ZBTB8OS: variants seen among roughly 807,000 people sequenced by gnomAD.
ZBTB8OS encodes the protein tRNA-splicing ligase-activating factor archease.
Under a neutral mutation model 29.3 loss-of-function variants are expected in ZBTB8OS, and 16 were observed. The observed-to-expected ratio is 0.55, with a 90% CI of 0.37 to 0.83. ZBTB8OS has a LOEUF of 0.83. ZBTB8OS is among the 40% of genes least tolerant of loss of function. ZBTB8OS has a pLI of 0.00. For synonymous variants in ZBTB8OS, 70 were observed against 64.6 expected, an observed-to-expected ratio of 1.08 and a Z score of -0.40; for missense variants, 160 against 196.9, an observed-to-expected ratio of 0.81 and a Z score of 1.12.
At position 32,637,180 on chromosome 1, in the gene ZBTB8OS, C is replaced by T. The variant is rs1379969003; in HGVS notation, c.98-2388G>A. 2.0e-5 allele frequency among the ~76,000 whole-genome samples: 3 copies of T among 152,072 alleles called. 1 individual carries two copies. The highest frequency in any genetic ancestry group is 7.3e-5 in the African/African-American group (3 of 41,350). On this transcript the variant is annotated intron_variant, in intron 1 of 6. Coordinates refer to ENST00000468695, the MANE Select transcript of ZBTB8OS (RefSeq NM_178547.5). ...ATCAGAATGGAGCTCAGCTCTTTTC[C>T]CACAGTAGTTATTAAATAAAACCTG...
chr1:32,646,885 C>T lies in ZBTB8OS; in HGVS notation c.97+3548G>A, dbSNP rs1429705320. Among the ~76,000 whole-genome samples, 3 of 144,090 alleles carry T rather than the reference C, an allele frequency of 2.1e-5. No individual in the cohort carries two copies. The Admixed American group carries it at 2.1e-4, about 10-fold the overall frequency. The allele number at this position is 144,090 out of a possible 152,430, so 94.5% of individuals were successfully genotyped here. ...AACCCTGTCTCTACTAAAAAAAAAA[C>T]ACAAAAATTAGCCGGGTGTGGTGGT... On this transcript the variant is annotated intron_variant, in intron 1 of 6. Coordinates refer to ENST00000468695, the MANE Select transcript of ZBTB8OS (RefSeq NM_178547.5).
intron 3 of ZBTB8OS, 95 bp from the exon 4 acceptor site, chr1:32,633,822 A>C: frequency 6.8e-7 from 1 of 1,469,874 alleles, no homozygotes; most frequent in Non-Finnish European, 9.2e-7. Context: ...GGTCAGTTTA[A>C]AGAGAAAGAA....
intron 1 of ZBTB8OS, among the ~76,000 whole-genome samples, chr1:32,635,495 C>T (rs1645885956): frequency 1.3e-5 from 2 of 152,088 alleles, no homozygotes; most frequent in Non-Finnish European, 2.9e-5. Context: ...TGCTCTTGAA[C>T]TCTTGACCTC....
chr1:32,629,574 A>C (rs1645380834), intron 5 of ZBTB8OS, among the ~76,000 whole-genome samples: 2 of 152,176 alleles, frequency 1.3e-5, no homozygotes, highest in Non-Finnish European at 2.9e-5. Context: ...TTCCAAAAAT[A>C]TCCATGATCT....
chr1:32,627,872 A>G (rs767004216), intron 5 of ZBTB8OS: 1 of 231,498 alleles, frequency 4.3e-6, no homozygotes, highest in East Asian at 9.9e-5. Context: ...TCATCTGTAC[A>G]CAAAATTAAA....
intron 6 of ZBTB8OS, among the ~76,000 whole-genome samples, chr1:32,623,366 A>G (rs1483378085): frequency 6.6e-6 from 1 of 152,168 alleles, no homozygotes; most frequent in Non-Finnish European, 1.5e-5. Context: ...TACAATTACC[A>G]ATAAATTCCC....
intron 6 of ZBTB8OS, 72 bp from the exon 7 acceptor site, chr1:32,622,020 G>GC: frequency 9.6e-7 from 1 of 1,041,966 alleles, no homozygotes; most frequent in Non-Finnish European, 1.4e-6. Context: ...ATTAACTCTA[G>GC]CAACAATCAG....
At chr1:32,624,877 G>C (rs1644999356) in intron 6 of ZBTB8OS, among the ~76,000 whole-genome samples, 1 of 149,594 alleles carries the variant, frequency 6.7e-6, no homozygotes, top group Non-Finnish European at 1.5e-5. Flanking sequence ...CTGGGCAACA[G>C]AGTAAGACTC....
At chr1:32,625,709 T>C (rs1645078622) in intron 6 of ZBTB8OS, among the ~76,000 whole-genome samples, 1 of 152,178 alleles carries the variant, frequency 6.6e-6, no homozygotes, top group South Asian at 2.1e-4. Flanking sequence ...CTGTCTCACA[T>C]AAACAAAAAC....
In ZBTB8OS at chr1:32,634,756, C is replaced by T. The variant is rs777914018; in HGVS notation, c.122+12G>A. 4 of 1,613,768 alleles carry T rather than the reference C, an allele frequency of 2.5e-6. No individual in the cohort carries two copies. Among genetic ancestry groups the T allele is most frequent in the East Asian group, 2.2e-5 (1 of 44,892 alleles). The stretch of plus-strand genomic sequence containing the variant: ...ACGTGGTTTCAAAGGAATGAACTCC[C>T]GCTATACTCACTGGACATCTGCTGT... On this transcript the variant is annotated intron_variant, in intron 2 of 6. Coordinates refer to ENST00000468695, the MANE Select transcript of ZBTB8OS (RefSeq NM_178547.5).
intron 1 of ZBTB8OS, among the ~76,000 whole-genome samples, chr1:32,649,661 CACACACAT>C (rs1234717848): frequency 3.2e-4 from 45 of 140,860 alleles, no homozygotes; most frequent in Middle Eastern, 3.6e-3. Context: ...CACACACACA[CACACACAT>C]TTTTTTTTTT....
At chr1:32,640,033 C>T (rs1217919475) in intron 1 of ZBTB8OS, 1 of 152,154 alleles carries the variant, frequency 6.6e-6, no homozygotes, top group Non-Finnish European at 1.5e-5. Context: ...ACTCCCACTG[C>T]TTTACTTAAC....
chr1:32,642,149 A>G (rs1035139920), intron 1 of ZBTB8OS, among the ~76,000 whole-genome samples: 7 of 152,096 alleles, frequency 4.6e-5, no homozygotes, highest in African/African-American at 1.4e-4. Context: ...AAATTACAAG[A>G]TACAACACAA....
chr1:32,625,292 G>GAAAA (rs1645040714), intron 6 of ZBTB8OS, among the ~76,000 whole-genome samples: 1 of 151,724 alleles, frequency 6.6e-6, no homozygotes, highest in Non-Finnish European at 1.5e-5. Context: ...GCCTCTTTTG[G>GAAAA]GAGGCTGAGG....
chr1:32,626,658 C>T (rs1645154270), intron 6 of ZBTB8OS, among the ~76,000 whole-genome samples: 1 of 152,178 alleles, frequency 6.6e-6, no homozygotes, highest in African/African-American at 2.4e-5. Context: ...AAGTGATTCT[C>T]CTGCCTCAGC....
chr1:32,650,608 C>G (rs1647395347), upstream of ZBTB8OS: 2 of 1,611,982 alleles, frequency 1.2e-6, no homozygotes, highest in African/African-American at 1.3e-5. Flanking sequence ...GCTCTAGACT[C>G]CGCCCCTTGG....
chr1:32,638,841 G>A (rs897269612), intron 1 of ZBTB8OS, among the ~76,000 whole-genome samples: 6 of 152,032 alleles, frequency 3.9e-5, no homozygotes, highest in Non-Finnish European at 4.4e-5. Flanking sequence ...TTGAACCCAG[G>A]TGGCAAAGGT....
intron 1 of ZBTB8OS, among the ~76,000 whole-genome samples, chr1:32,638,986 T>C (rs187351286): frequency 4.6e-4 from 70 of 152,186 alleles, no homozygotes; most frequent in Admixed American, 1.4e-3. Flanking sequence ...TTTTTGCTTT[T>C]ATTTATTTAT....
At chr1:32,650,640 A>T (rs1292823085), upstream of ZBTB8OS, 14 of 1,509,682 alleles carry the variant, frequency 9.3e-6, no homozygotes, top group South Asian at 6.5e-5. Context: ...AAAGGACCAC[A>T]CTCCTTTCTC....
Sources: allele counts gnomAD v4.1 joint callset (sites outside exome capture counted in the v4.1 genomes callset), GRCh38; gene constraint gnomAD v4.1.1; transcripts MANE v1.5; gene names NCBI Gene and HGNC (gene_info 2026-07-23, HGNC 2026-07-21).